Variants in NOVA2 observed in about 807,000 individuals in gnomAD.
NOVA2 encodes the protein NOVA alternative splicing regulator 2.
In NOVA2, 9 loss-of-function variants were observed where a neutral mutation model predicts 22.5. That is an observed-to-expected ratio of 0.40 (90% CI 0.24 to 0.70). The LOEUF is 0.70. Among genes scored for constraint, NOVA2 ranks in the 30% least tolerant of loss-of-function variants. The pLI is 0.38. For synonymous variants in NOVA2, 318 were observed against 335.2 expected, an observed-to-expected ratio of 0.95 and a Z score of 0.56; for missense variants, 383 against 682.8, an observed-to-expected ratio of 0.56 and a Z score of 4.89.
At chr19:45,945,035 G>A (rs865858095) in intron 3 of NOVA2, among the ~76,000 whole-genome samples, 3 of 152,234 alleles carry the variant, frequency 2.0e-5, no homozygotes, top group Middle Eastern at 6.8e-3. Flanking sequence ...GGCCAGGCTC[G>A]GTGGCTTATG....
chr19:45,942,826 C>T (rs1967779757), intron 3 of NOVA2, among the ~76,000 whole-genome samples: 1 of 152,080 alleles, frequency 6.6e-6, no homozygotes, highest in African/African-American at 2.4e-5. Context: ...TGTCCTTTTG[C>T]ACCTCCGAGA....
At chr19:45,961,968 T>A (rs1290834444) in intron 1 of NOVA2, among the ~76,000 whole-genome samples, 2 of 151,854 alleles carry the variant, frequency 1.3e-5, no homozygotes, top group Non-Finnish European at 2.9e-5. Context: ...TGGGAGGAGA[T>A]GAGGACAGAG....
Position 45,964,015 on chromosome 19 carries a change from C to T in NOVA2, c.86-2862G>A, listed in dbSNP as rs1968132670. Among the ~76,000 whole-genome samples, 3 of 151,960 alleles carry T rather than the reference C, an allele frequency of 2.0e-5. No individual in the cohort carries two copies. In the South Asian group the frequency reaches 6.2e-4, roughly 32 times the overall value. Reference sequence around the variant, plus strand: ...ATGTCCTAGGGACTTGAACAGTGTCCCCAAAACTTGAACAGCACATACTAG... The same window carrying T: ...ATGTCCTAGGGACTTGAACAGTGTCTCCAAAACTTGAACAGCACATACTAG... On this transcript the variant is annotated intron_variant, in intron 1 of 3. Transcript: ENST00000263257.
chr19:45,939,950 C>G lies in NOVA2; in HGVS notation c.1392G>C (p.Ala464=). ...TGAGGTATTGAGCGGCTTGCGTGGC[C>G]GCGGGGCTGCCCGTGATGGTGACCC... is the stretch of plus-strand genomic sequence containing the variant. The part of the protein sequence containing the change: ...NRRVTITGSP[A]ATQAAQYLIS... Residue 464 remains alanine (A), a synonymous_variant, in exon 4 of 4, where the codon GCG becomes GCC. Coordinates refer to ENST00000263257, the MANE Select transcript of NOVA2 (RefSeq NM_002516.4). 4 of 1,613,952 alleles carry G rather than the reference C, an allele frequency of 2.5e-6. No individual in the cohort carries two copies. The highest frequency in any genetic ancestry group is 3.4e-6 in the Non-Finnish European group (4 of 1,179,946).
Position 45,938,376 on chromosome 19 carries a change from C to T in NOVA2, c.*1487G>A, listed in dbSNP as rs1359848464. 2 of 152,452 alleles carry T rather than the reference C, an allele frequency of 1.3e-5. No homozygotes were observed. The highest frequency in any genetic ancestry group is 2.4e-5 in the African/African-American group (1 of 41,466). The allele number at this position is 152,452 out of a possible 1,614,324, so 9.4% of individuals were successfully genotyped here. A position where few individuals can be genotyped will look rare whatever the true frequency, so the allele number is the denominator to read the frequency against. The stretch of plus-strand genomic sequence containing the variant: ...TCCATCAGACATCACCGAAGTATGC[C>T]AGCTTGCTGGAAGCCACCAAACCAA... On this transcript the variant is annotated 3_prime_UTR_variant, in exon 4 of 4. Transcript: ENST00000263257.
At chr19:45,960,675 G>C (rs1268429795) in intron 2 of NOVA2, among the ~76,000 whole-genome samples, 1 of 152,002 alleles carries the variant, frequency 6.6e-6, no homozygotes, top group Admixed American at 6.5e-5. Flanking sequence ...CAAGCCCGGA[G>C]GGACGCCCTG....
At chr19:45,959,440 G>A (rs114404254) in intron 2 of NOVA2, among the ~76,000 whole-genome samples, 29 of 152,292 alleles carry the variant, frequency 1.9e-4, no homozygotes, top group African/African-American at 6.3e-4. Flanking sequence ...TGGCCTGTGG[G>A]GTGTGTCAAT....
intron 3 of NOVA2, among the ~76,000 whole-genome samples, chr19:45,944,196 T>G (rs1032490909): frequency 2.0e-5 from 3 of 152,170 alleles, no homozygotes; most frequent in African/African-American, 7.2e-5. Context: ...ATCCCGGCAC[T>G]TTGGGAAGCT....
At chr19:45,971,141 C>T (rs1192084181) in intron 1 of NOVA2, among the ~76,000 whole-genome samples, 2 of 152,026 alleles carry the variant, frequency 1.3e-5, no homozygotes, top group Non-Finnish European at 2.9e-5. Context: ...ATCATGTCTC[C>T]CAGGGGTTGT....
chr19:45,943,442 G>A (rs1012932889), intron 3 of NOVA2, among the ~76,000 whole-genome samples: 5 of 151,166 alleles, frequency 3.3e-5, no homozygotes, highest in East Asian at 2.0e-4. Flanking sequence ...GTCTGGGCAC[G>A]GTGGCTCACG....
intron 3 of NOVA2, among the ~76,000 whole-genome samples, chr19:45,952,151 T>C (rs767287494): frequency 5.9e-5 from 9 of 152,224 alleles, no homozygotes; most frequent in Non-Finnish European, 1.2e-4. Flanking sequence ...GAAGTAGACC[T>C]GTTTCCTGAC....
intron 1 of NOVA2, among the ~76,000 whole-genome samples, chr19:45,965,245 A>G (rs1968153906): frequency 6.6e-6 from 1 of 151,884 alleles, no homozygotes; most frequent in Non-Finnish European, 1.5e-5. Context: ...TGCTTCTTCA[A>G]TTTCACTCCC....
intron 3 of NOVA2, 78 bp downstream of exon 3, chr19:45,953,702 G>T: frequency 6.5e-7 from 1 of 1,547,302 alleles, no homozygotes. Flanking sequence ...GAACCTCACA[G>T]TAAGCAGTGA....
At chr19:45,940,981 AT>A (rs776375711) in intron 3 of NOVA2, 36 bp from the exon 4 acceptor site, 1 of 1,529,520 alleles carries the variant, frequency 6.5e-7, no homozygotes, top group Non-Finnish European at 8.7e-7. Flanking sequence ...CTTTAATTTT[AT>A]TTTTTTAAAA....
rs549705046 is a variant in NOVA2 at position 45,943,995 on chromosome 19, A to G, written c.397-3050T>C. On this transcript the variant is annotated intron_variant, in intron 3 of 3. Transcript: ENST00000263257. ...TCATCATTTTAGAAAACCTGGCGTC[A>G]GTAGCAACAGCATTTGTATTATTTA... Among the ~76,000 whole-genome samples, 19 of 152,342 alleles carry G rather than the reference A, an allele frequency of 1.2e-4. No individual in the cohort carries two copies. In the East Asian group the frequency reaches 3.7e-3, roughly 29 times the overall value.
intron 1 of NOVA2, 109 bp downstream of exon 1, chr19:45,973,158 T>C: frequency 6.2e-6 from 2 of 323,824 alleles, no homozygotes; most frequent in South Asian, 3.8e-5. Context: ...GGGAGGGGTG[T>C]CTCTCCCCTC....
rs147775460 is a variant in NOVA2, at chr19:45,949,998, C to T, written c.396+3782G>A. Among the ~76,000 whole-genome samples, 1,004 of 151,366 alleles carry T rather than the reference C, an allele frequency of 6.6e-3. 20 individuals are homozygous for T. The highest frequency in any genetic ancestry group is 4.8e-3 in the Non-Finnish European group (325 of 67,810). ...TCAAGTAATCCGCCCACCTCGGCTT[C>T]CCAAGGTGCTGAGATTACAGGCATG... On this transcript the variant is annotated intron_variant, in intron 3 of 3. Coordinates refer to ENST00000263257, the MANE Select transcript of NOVA2 (RefSeq NM_002516.4).
At chr19:45,970,234 C>T (rs1374707194) in intron 1 of NOVA2, among the ~76,000 whole-genome samples, 1 of 152,174 alleles carries the variant, frequency 6.6e-6, no homozygotes, top group Non-Finnish European at 1.5e-5. Context: ...TCCTGGCATA[C>T]TGCAGTATCG....
In NOVA2 at chr19:45,973,303, G is replaced by T. The variant is rs1351963256; in HGVS notation, c.49C>A (p.Pro17Thr). The change falls in exon 1 of 4, where the codon CCC (proline) becomes ACC (threonine). Residue 17 changes from proline to threonine, a missense_variant. Coordinates refer to ENST00000263257, the MANE Select transcript of NOVA2 (RefSeq NM_002516.4). Reference protein sequence around the residue: ...DSRKRPLETPPEVVCTKRSNT... With the variant: ...DSRKRPLETPTEVVCTKRSNT... ...CTGCGCTTGGTGCAGACCACCTCGG[G>T]GGGCGTTTCGAGGGGCCTCTTGCGG... 6 of 1,340,854 alleles carry T rather than the reference G, an allele frequency of 4.5e-6. No individual in the cohort carries two copies. The highest frequency in any genetic ancestry group is 4.8e-6 in the Non-Finnish European group (5 of 1,038,810). 83.1% of individuals were successfully genotyped at this position (1,340,854 alleles called of 1,614,324 possible). A position where few individuals can be genotyped will look rare whatever the true frequency, so the allele number is the denominator to read the frequency against.
Sources: gnomAD v4.1 joint callset for allele counts (sites outside exome capture counted in the v4.1 genomes callset) on GRCh38, gnomAD v4.1.1 for gene constraint, MANE v1.5 for transcripts, NCBI Gene and HGNC (gene_info 2026-07-23, HGNC 2026-07-21) for gene names.